The following MAOA variants were observed in gnomAD, a reference collection of about 807,000 sequenced individuals.
MAOA encodes monoamine oxidase A.
MAOA carries 6 observed loss-of-function variants against 42.0 expected under a neutral mutation model. That is an observed-to-expected ratio of 0.14 (90% CI 0.08 to 0.28). The LOEUF is 0.28. Ranked by LOEUF, MAOA falls within the 10% of genes least tolerant of loss-of-function variation. The pLI, the probability that MAOA is intolerant of heterozygous loss-of-function variation, is 1.00. For missense variants in MAOA, 262 were observed against 422.3 expected (o/e 0.62, Z 3.33); for synonymous variants, 140 against 154.0 (o/e 0.91, Z 0.67).
At chrX:43,658,951 T>C (rs1265928291) in intron 1 of MAOA, among the ~76,000 whole-genome samples, 2 of 111,559 alleles carry the variant, frequency 1.8e-5, no homozygotes, top group Non-Finnish European at 3.8e-5. Context: ...TACTTAATAG[T>C]CCCTGTGGCA....
intron 5 of MAOA, among the ~76,000 whole-genome samples, chrX:43,722,033 T>C (rs191578790): frequency 5.1e-3 from 569 of 112,147 alleles, no homozygotes; most frequent in African/African-American, 0.018. Context: ...CCTTTTTTTA[T>C]GGCTGCATAG....
chrX:43,712,026 G>T, intron 4 of MAOA, 50 bp downstream of exon 4: 3 of 878,511 alleles, frequency 3.4e-6, no homozygotes, highest in Non-Finnish European at 5.1e-6. Context: ...AATAACAATG[G>T]CAACTGTTTA....
At chrX:43,708,312 C>G (rs1403084423) in intron 3 of MAOA, among the ~76,000 whole-genome samples, 1 of 111,057 alleles carries the variant, frequency 9.0e-6, no homozygotes, top group Non-Finnish European at 1.9e-5. Flanking sequence ...CCTGCTTCAC[C>G]CTCTTAGGTC....
chrX:43,705,777 C>G (rs2033654812), intron 3 of MAOA, among the ~76,000 whole-genome samples: 1 of 111,152 alleles, frequency 9.0e-6, no homozygotes, highest in Admixed American at 9.5e-5. Context: ...GACAAACAAC[C>G]CAATTCAAAA....
At chrX:43,697,741 G>A (rs2033592232) in intron 3 of MAOA, among the ~76,000 whole-genome samples, 1 of 111,925 alleles carries the variant, frequency 8.9e-6, no homozygotes, top group Non-Finnish European at 1.9e-5. Flanking sequence ...ATCTGAATGA[G>A]TGCCTTTTTG....
In MAOA at chrX:43,689,616, A is replaced by G. The variant is rs1210441592; in HGVS notation, c.169-3675A>G. On this transcript the variant is annotated intron_variant, in intron 2 of 14. Transcript: ENST00000338702. The stretch of plus-strand genomic sequence containing the variant: ...GCACCCTTCTTCCAATCTGTAAACT[A>G]TAAAAGTATTTCAAGTTTGTATGTT... Among the ~76,000 whole-genome samples, 3 of 112,372 alleles carry G rather than the reference A, an allele frequency of 2.7e-5. No homozygotes were observed. In the East Asian group the frequency reaches 8.4e-4, roughly 31 times the overall value.
At chrX:43,656,262 G>T, upstream of MAOA, 3 of 920,211 alleles carry the variant, frequency 3.3e-6, no homozygotes. Context: ...GGCTCCCCGG[G>T]GGAGTTGATA....
chrX:43,705,922 A>T (rs2033655840), intron 3 of MAOA, among the ~76,000 whole-genome samples: 2 of 112,218 alleles, frequency 1.8e-5, no homozygotes, highest in Non-Finnish European at 3.8e-5. Flanking sequence ...ATCCCTTCAC[A>T]CCCAACAGGA....
intron 2 of MAOA, among the ~76,000 whole-genome samples, chrX:43,692,039 GCA>G (rs2033539714): frequency 9.1e-5 from 1 of 10,976 alleles, no homozygotes; most frequent in South Asian, 2.4e-3. Flanking sequence ...ACACACACAC[GCA>G]CGCACACATC....
chrX:43,699,041 C>T (rs948398227), intron 3 of MAOA, among the ~76,000 whole-genome samples: 1 of 111,426 alleles, frequency 9.0e-6, no homozygotes, highest in Non-Finnish European at 1.9e-5. Flanking sequence ...CTTTGAGAGG[C>T]TGAGGCAGGA....
At chrX:43,660,084 C>T (rs1458326092) in intron 1 of MAOA, among the ~76,000 whole-genome samples, 1 of 111,601 alleles carries the variant, frequency 9.0e-6, no homozygotes, top group Non-Finnish European at 1.9e-5. Flanking sequence ...CTGCCCCACA[C>T]CCTTCCAGTC....
intron 10 of MAOA, 92 bp downstream of exon 10, chrX:43,736,372 A>G (rs750286893): frequency 1.6e-5 from 9 of 546,673 alleles, no homozygotes; most frequent in Non-Finnish European, 2.7e-5. Context: ...GGAAAAACAC[A>G]GTACTTCACA....
Position 43,731,253 on chromosome X carries a change from G to T in MAOA, c.658G>T (p.Val220Leu). 1 of 1,210,782 alleles carries T rather than the reference G, an allele frequency of 8.3e-7. No individual in the cohort carries two copies. The highest frequency in any genetic ancestry group is 1.1e-6 in the Non-Finnish European group (1 of 894,560). Residue 220 changes from valine to leucine, a missense_variant, in exon 7 of 15, where the codon GTA becomes TTA. Transcript: ENST00000338702. ...VTNGGQERKF[V>L]GGSGQVSERI... ...CCTCCTCCTGTAGGAACGGAAGTTT[G>T]TAGGTGGATCTGGTCAAGTGAGCGA...
At position 43,744,169 on chromosome X, in the gene MAOA, A is replaced by G; in HGVS notation, c.1435A>G (p.Lys479Glu). 1 of 1,206,087 alleles carries G rather than the reference A, an allele frequency of 8.3e-7. No homozygotes were observed. ...KDIWVQEPES[K>E]DVPAVEITHT... ...TATCTGGGTACAAGAACCTGAATCA[A>G]AGGTAAGTTTGGTGACTCTGGGCAC... Residue 479 changes from lysine (K) to glutamate (E), a missense_variant and splice_region_variant, in exon 14 of 15, where the codon AAG becomes GAG. By Grantham distance (56) the Lys-to-Glu change is moderately conservative. Coordinates refer to ENST00000338702, the MANE Select transcript of MAOA (RefSeq NM_000240.4).
chrX:43,677,762 A>G (rs906945381), intron 1 of MAOA, among the ~76,000 whole-genome samples: 2 of 111,926 alleles, frequency 1.8e-5, no homozygotes, highest in African/African-American at 6.5e-5. Flanking sequence ...ACTCTTTGTG[A>G]ATGTAGTTTC....
chrX:43,657,168 A>G, intron 1 of MAOA, among the ~76,000 whole-genome samples: 1 of 94,821 alleles, frequency 1.1e-5, no homozygotes, highest in Admixed American at 1.2e-4. Flanking sequence ...ATATATATAT[A>G]TGAACTGTGT....
At chrX:43,667,433 G>T (rs1168179784) in intron 1 of MAOA, among the ~76,000 whole-genome samples, 1 of 111,195 alleles carries the variant, frequency 9.0e-6, no homozygotes, top group Non-Finnish European at 1.9e-5. Context: ...TTATTTGATG[G>T]GTGAATAGAT....
chrX:43,675,712 A>C (rs1601929184), intron 1 of MAOA, among the ~76,000 whole-genome samples: 1 of 112,104 alleles, frequency 8.9e-6, no homozygotes, highest in Non-Finnish European at 1.9e-5. Flanking sequence ...TCCACTCCAG[A>C]CCCTGTTTGC....
chrX:43,655,976 A>T (rs2033175326), upstream of MAOA: 2 of 234,659 alleles, frequency 8.5e-6, no homozygotes, highest in Non-Finnish European at 1.6e-5. Context: ...GTCTACCCCC[A>T]CCTCAGTGCC....
Sources: gnomAD v4.1 joint callset for allele counts (sites outside exome capture counted in the v4.1 genomes callset) on GRCh38, gnomAD v4.1.1 for gene constraint, MANE v1.5 for transcripts, NCBI Gene and HGNC (gene_info 2026-07-23, HGNC 2026-07-21) for gene names.